Variants in SEMA5A observed in about 807,000 individuals in gnomAD.
SEMA5A encodes the protein semaphorin-5A.
In SEMA5A, 55 loss-of-function variants were observed where a neutral mutation model predicts 135.5. The ratio of observed to expected loss-of-function variants is 0.41; its 90% CI spans 0.33 to 0.51. The LOEUF is 0.51. Among genes scored for constraint, SEMA5A ranks in the 20% least tolerant of loss-of-function variants. The probability of loss-of-function intolerance (pLI) is 0.37; values close to 1 mark genes in which losing one functional copy is unlikely to be tolerated. For missense variants in SEMA5A, 1,290 were observed against 1,419.9 expected, an observed-to-expected ratio of 0.91 and a Z score of 1.47; for synonymous variants, 580 against 546.5, an observed-to-expected ratio of 1.06 and a Z score of -0.85.
intron 5 of SEMA5A, among the ~76,000 whole-genome samples, chr5:9,298,386 C>T (rs1337034828): frequency 1.3e-5 from 2 of 152,130 alleles, no homozygotes; most frequent in Non-Finnish European, 2.9e-5. Flanking sequence ...AAGAATATGG[C>T]CCTGCCAACA....
At chr5:9,067,218 TA>T (rs2150074651) in intron 16 of SEMA5A, among the ~76,000 whole-genome samples, 1 of 152,290 alleles carries the variant, frequency 6.6e-6, no homozygotes, top group Admixed American at 6.5e-5. Flanking sequence ...CACTAAAATG[TA>T]AGTTCTGTTC....
chr5:9,384,626 AG>A, intron 2 of SEMA5A, among the ~76,000 whole-genome samples: 1 of 91,292 alleles, frequency 1.1e-5, no homozygotes, highest in Non-Finnish European at 2.2e-5. Context: ...ATACATAGAT[AG>A]ATAGATAGAT....
chr5:9,204,089 A>G lies in SEMA5A; in HGVS notation c.647-1849T>C, dbSNP rs556039806. Among the ~76,000 whole-genome samples the G allele has an allele frequency of 4.6e-5, 7 of 152,206 alleles. No individual in the cohort carries two copies. Among genetic ancestry groups the G allele is most frequent in the African/African-American group, 2.4e-5 (1 of 41,448 alleles). ...ACAATTTCAAAACCATGTGTAAAGAAAATAATACTGGCATGTCTAATTCTA... is the reference window on the plus strand; with the variant it reads ...ACAATTTCAAAACCATGTGTAAAGAGAATAATACTGGCATGTCTAATTCTA... On this transcript the variant is annotated intron_variant, in intron 8 of 22. Transcript: ENST00000382496. The surrounding 1 kb of genome is among the most constrained non-coding windows in gnomAD (Gnocchi z 6.4).
At chr5:9,187,740 A>C (rs1313071096) in intron 11 of SEMA5A, among the ~76,000 whole-genome samples, 1 of 152,250 alleles carries the variant, frequency 6.6e-6, no homozygotes. Context: ...GGTTTGTGGA[A>C]CAATAAAGCG....
chr5:9,373,576 A>G (rs1579433075), intron 3 of SEMA5A, among the ~76,000 whole-genome samples: 1 of 152,216 alleles, frequency 6.6e-6, no homozygotes, highest in Admixed American at 6.5e-5. Flanking sequence ...AGGCCAATCA[A>G]TAAACCCATA....
rs77035420 is a variant in SEMA5A, at chr5:9,398,694, T to C, written c.-77-18671A>G. On this transcript the variant is annotated intron_variant, in intron 2 of 22. Coordinates refer to ENST00000382496, the MANE Select transcript of SEMA5A (RefSeq NM_003966.3). ...TTTACCAAATTTGCCCACAAAAATA[T>C]TTCAATTTTCTGTGTCTAATGTCAT... Among the ~76,000 whole-genome samples, 169 of 152,340 alleles carry C rather than the reference T, an allele frequency of 1.1e-3. 1 individual carries two copies. Among genetic ancestry groups the C allele is most frequent in the African/African-American group, 3.9e-3 (163 of 41,570 alleles).
At chr5:9,140,113 A>G (rs1292873458) in intron 12 of SEMA5A, among the ~76,000 whole-genome samples, 2 of 152,180 alleles carry the variant, frequency 1.3e-5, no homozygotes, top group Non-Finnish European at 2.9e-5. Flanking sequence ...TTCAATTACT[A>G]CAAGTTTATA....
intron 16 of SEMA5A, among the ~76,000 whole-genome samples, chr5:9,079,211 C>T (rs1738236703): frequency 6.6e-6 from 1 of 152,072 alleles, no homozygotes; most frequent in African/African-American, 2.4e-5. Flanking sequence ...AATAAACAGT[C>T]TCTCGGACCA....
At chr5:9,487,695 C>T (rs1734801223) in intron 1 of SEMA5A, among the ~76,000 whole-genome samples, 1 of 152,100 alleles carries the variant, frequency 6.6e-6, no homozygotes, top group Non-Finnish European at 1.5e-5. Context: ...GACACCCCTC[C>T]ACTCACTCCA....
intron 9 of SEMA5A, 69 bp from the exon 10 acceptor site, chr5:9,197,372 A>G: frequency 6.4e-7 from 1 of 1,561,752 alleles, no homozygotes; most frequent in Non-Finnish European, 8.7e-7. Flanking sequence ...CCCCCTATGG[A>G]CTGGGCAGCA....
At chr5:9,413,977 C>A (rs1757195565) in intron 2 of SEMA5A, among the ~76,000 whole-genome samples, 1 of 152,136 alleles carries the variant, frequency 6.6e-6, no homozygotes, top group Admixed American at 6.5e-5. Context: ...TAAAACTCAT[C>A]AGAGAAGCTG....
intron 11 of SEMA5A, among the ~76,000 whole-genome samples, chr5:9,183,612 G>A (rs1024168756): frequency 3.3e-5 from 5 of 152,162 alleles, no homozygotes; most frequent in Admixed American, 6.5e-5. Flanking sequence ...GAGAACCTGC[G>A]GTTGAACTTA....
chr5:9,055,212 A>C (rs78273468), intron 18 of SEMA5A, among the ~76,000 whole-genome samples: 3 of 152,216 alleles, frequency 2.0e-5, no homozygotes. Flanking sequence ...TATGATTTTC[A>C]GTTTAGCTAA....
intron 5 of SEMA5A, among the ~76,000 whole-genome samples, chr5:9,313,902 A>C (rs527467668): frequency 6.6e-6 from 1 of 152,306 alleles, no homozygotes; most frequent in Admixed American, 6.5e-5. Flanking sequence ...CAAGGTAGAA[A>C]CTGCCCTCAG....
At chr5:9,483,209 G>C (rs438506) in intron 1 of SEMA5A, among the ~76,000 whole-genome samples, 126,553 of 152,032 alleles carry the variant, frequency 0.83, 52,744 homozygotes, top group Middle Eastern at 0.85. Flanking sequence ...ATAATGTTCT[G>C]TCTTTGGGGC....
intron 4 of SEMA5A, among the ~76,000 whole-genome samples, chr5:9,324,096 T>C (rs1752762263): frequency 6.6e-6 from 1 of 151,242 alleles, no homozygotes; most frequent in African/African-American, 2.5e-5. Flanking sequence ...TGAGATGGAG[T>C]CTCGCTCTTC....
intron 1 of SEMA5A, among the ~76,000 whole-genome samples, chr5:9,527,271 A>C (rs1199220624): frequency 6.6e-6 from 1 of 152,080 alleles, no homozygotes; most frequent in Non-Finnish European, 1.5e-5. Flanking sequence ...CCCCCAAGGG[A>C]AAAAGCCAAC....
At chr5:9,375,378 G>C (rs963512143) in intron 3 of SEMA5A, among the ~76,000 whole-genome samples, 2 of 152,010 alleles carry the variant, frequency 1.3e-5, no homozygotes, top group African/African-American at 4.8e-5. Context: ...AAAAGGCAGG[G>C]ACACAGAGGG....
chr5:9,180,442 G>A lies in SEMA5A; in HGVS notation c.1273+9825C>T, dbSNP rs139913511. Among the ~76,000 whole-genome samples the A allele has an allele frequency of 2.0e-5, 3 of 152,248 alleles. No homozygotes were observed. In the East Asian group the frequency reaches 5.8e-4, roughly 29 times the overall value. Reference sequence around the variant, plus strand: ...CCTTACATAAAGAAGCACACGTAATGCAAGTCCAGACTTGGTTTGGATTTA... The same window carrying A: ...CCTTACATAAAGAAGCACACGTAATACAAGTCCAGACTTGGTTTGGATTTA... On this transcript the variant is annotated intron_variant, in intron 11 of 22. Coordinates refer to ENST00000382496, the MANE Select transcript of SEMA5A (RefSeq NM_003966.3).
Sources: allele counts gnomAD v4.1 joint callset (sites outside exome capture counted in the v4.1 genomes callset), GRCh38; gene constraint gnomAD v4.1.1; non-coding constraint Gnocchi (gnomAD v3.1); transcripts MANE v1.5; gene names NCBI Gene and HGNC (gene_info 2026-07-23, HGNC 2026-07-21).